ERI2: variants seen among roughly 807,000 people sequenced by gnomAD.
ERI2 encodes the protein ERI1 exoribonuclease family member 2.
Under a neutral mutation model 46.8 loss-of-function variants are expected in ERI2, and 35 were observed. That is an observed-to-expected ratio of 0.75 (90% CI 0.57 to 0.99). ERI2 has a LOEUF of 0.99. Ranked by LOEUF, ERI2 falls within the 50% of genes least tolerant of loss-of-function variation. The pLI is 0.00. For synonymous variants in ERI2, 224 were observed against 271.0 expected (o/e 0.83, Z 1.70); for missense variants, 695 against 796.2 (o/e 0.87, Z 1.53).
At chr16:20,806,167 G>A (rs1394086389) in intron 1 of ERI2, 2 of 1,391,934 alleles carry the variant, frequency 1.4e-6, no homozygotes, top group Non-Finnish European at 1.9e-6. Context: ...ACACAGTCAA[G>A]GCCCCAGGGT....
At position 20,802,995 on chromosome 16, in the gene ERI2, A is replaced by C. The variant is rs560242850; in HGVS notation, c.176-72T>G. The C allele has an allele frequency of 6.4e-6, 9 of 1,415,040 alleles. No individual in the cohort carries two copies. In the South Asian group the frequency reaches 1.1e-4, roughly 17 times the overall value. 87.7% of individuals were successfully genotyped at this position (1,415,040 alleles called of 1,614,324 possible). A position where few individuals can be genotyped will look rare whatever the true frequency, so the allele number is the denominator to read the frequency against. ...ATTAATCCTGTAATCATCCTAAATT[A>C]AACATGTTACCATTTTAATTAAACA... On this transcript the variant is annotated intron_variant, in intron 3 of 8. Transcript: ENST00000357967.
intron 10 of ERI2, chr16:20,786,276 A>G: frequency 3.5e-6 from 5 of 1,446,700 alleles, no homozygotes. Context: ...TACTTCCATG[A>G]TACTTTAATT....
In ERI2 at chr16:20,789,505, T is replaced by A; in HGVS notation, c.868A>T (p.Lys290Ter). 1 of 1,613,780 alleles carries A rather than the reference T, an allele frequency of 6.2e-7. No individual in the cohort carries two copies. Among genetic ancestry groups the A allele is most frequent in the Non-Finnish European group, 8.5e-7 (1 of 1,179,748 alleles). ...ATTGTCAACCAGAGAATATTCCCCT[T>A]TTCCTGTTTACTCATATTGGGCTTC... Residue 290 changes from lysine (K) to a stop codon, truncating the protein, a stop_gained, in exon 10 of 11, where the codon AAG becomes TAG. Transcript: ENST00000300005. LOFTEE classifies it low-confidence loss of function (END_TRUNC).
chr16:20,790,762 A>T lies in ERI2; in HGVS notation c.815+88T>A. 6.2e-7 allele frequency: 1 copy of T among 1,613,520 alleles called. No individual in the cohort carries two copies. Among genetic ancestry groups the T allele is most frequent in the Non-Finnish European group, 8.5e-7 (1 of 1,179,550 alleles). Reference sequence around the variant, plus strand: ...TTGGTAACAATCCCTGTTTGCCACAAAACATACCTAGGATAGGTACTTGAC... The same window carrying T: ...TTGGTAACAATCCCTGTTTGCCACATAACATACCTAGGATAGGTACTTGAC... On this transcript the variant is annotated intron_variant, in intron 9 of 10. Coordinates refer to the ERI2 transcript ENST00000300005. The surrounding 1 kb of genome is among the most constrained non-coding windows in gnomAD (Gnocchi z 4.0).
At chr16:20,786,130 G>C in intron 10 of ERI2, 1 of 1,607,454 alleles carries the variant, frequency 6.2e-7, no homozygotes, top group Non-Finnish European at 8.5e-7. Flanking sequence ...GGCTCAATGG[G>C]AAAACCTTCT....
intron 4 of ERI2, among the ~76,000 whole-genome samples, chr16:20,802,221 A>T (rs1054233447): frequency 6.6e-6 from 1 of 151,882 alleles, no homozygotes; most frequent in Admixed American, 6.6e-5. Context: ...GTGTACCTAT[A>T]GTCCCAGTTA....
At position 20,796,833 on chromosome 16, in the gene ERI2, T is replaced by C. The variant is rs914241751; in HGVS notation, c.*891A>G. The stretch of plus-strand genomic sequence containing the variant: ...TAATCAAACTGCTATATAATTGGCT[T>C]TATGTAAAGATAAAAATTTCCAGGC... On this transcript the variant is annotated 3_prime_UTR_variant, in exon 9 of 9. Coordinates refer to ENST00000357967, the MANE Select transcript of ERI2 (RefSeq NM_001142725.2). The C allele has an allele frequency of 5.6e-6, 9 of 1,604,830 alleles. No homozygotes were observed. In the African/African-American group the frequency reaches 1.1e-4, roughly 19 times the overall value.
At chr16:20,794,622 G>A (rs1390700653), downstream of ERI2, among the ~76,000 whole-genome samples, 1 of 152,184 alleles carries the variant, frequency 6.6e-6, no homozygotes, top group African/African-American at 2.4e-5. Flanking sequence ...CCCACTTATG[G>A]ATTCTGGGTT....
chr16:20,792,252 T>C, downstream of ERI2: 1 of 1,614,090 alleles, frequency 6.2e-7, no homozygotes. Flanking sequence ...AATTGGACCA[T>C]TTGAGGTAGA....
intron 10 of ERI2, among the ~76,000 whole-genome samples, chr16:20,788,741 G>T (rs1357086591): frequency 2.0e-5 from 3 of 152,170 alleles, no homozygotes; most frequent in African/African-American, 7.2e-5. Context: ...AGACACAGAA[G>T]ATTTTATCTA....
chr16:20,799,199 C>T, intron 8 of ERI2, 64 bp downstream of exon 8: 1 of 1,574,488 alleles, frequency 6.4e-7, no homozygotes, highest in Non-Finnish European at 8.6e-7. Flanking sequence ...ATCTACGTTT[C>T]AAAGAACGTA....
At chr16:20,792,684 G>A (rs1186704113), downstream of ERI2, 4 of 985,302 alleles carry the variant, frequency 4.1e-6, no homozygotes, top group African/African-American at 7.0e-5. Flanking sequence ...TACCCAGAAG[G>A]TCTGGAAACC....
chr16:20,796,547 T>A lies in ERI2; in HGVS notation c.*1177A>T. Reference sequence around the variant, plus strand: ...AGTGTTGTGGACAATTTCAAGTGTTTATTTTTACATTTTAATGAATATTTT... The same window carrying A: ...AGTGTTGTGGACAATTTCAAGTGTTAATTTTTACATTTTAATGAATATTTT... On this transcript the variant is annotated 3_prime_UTR_variant, in exon 9 of 9. Coordinates refer to ENST00000357967, the MANE Select transcript of ERI2 (RefSeq NM_001142725.2). The A allele has an allele frequency of 6.3e-7, 1 of 1,593,422 alleles. No homozygotes were observed. The highest frequency in any genetic ancestry group is 8.5e-7 in the Non-Finnish European group (1 of 1,175,426).
At position 20,796,929 on chromosome 16, in the gene ERI2, CAA is replaced by C; in HGVS notation, c.*793_*794del. Reference sequence around the variant, plus strand: ...CTGCCAAAGACTATCAGTGGGAAGACAAAAAGAAATGAACTGAGGAAGAAAGA... The same window carrying C: ...CTGCCAAAGACTATCAGTGGGAAGACAAAGAAATGAACTGAGGAAGAAAGA... On this transcript the variant is annotated 3_prime_UTR_variant, in exon 9 of 9. Coordinates refer to ENST00000357967, the MANE Select transcript of ERI2 (RefSeq NM_001142725.2). 3 of 1,612,060 alleles carry C rather than the reference CAA, an allele frequency of 1.9e-6. No homozygotes were observed. The highest frequency in any genetic ancestry group is 2.5e-6 in the Non-Finnish European group (3 of 1,179,168).
At chr16:20,803,980 C>T (rs934859423) in intron 1 of ERI2, among the ~76,000 whole-genome samples, 1 of 151,804 alleles carries the variant, frequency 6.6e-6, no homozygotes. Flanking sequence ...AGTCTCCTGA[C>T]TAAGACTACA....
At chr16:20,786,926 A>G (rs1029612724) in intron 10 of ERI2, among the ~76,000 whole-genome samples, 3 of 152,126 alleles carry the variant, frequency 2.0e-5, no homozygotes. Flanking sequence ...GAGCGGGTCA[A>G]CTAGGCCCGA....
intron 4 of ERI2, among the ~76,000 whole-genome samples, chr16:20,802,456 T>G (rs2080806465): frequency 2.6e-5 from 4 of 152,134 alleles, no homozygotes; most frequent in Admixed American, 2.6e-4. Flanking sequence ...CAGGATAGAC[T>G]GAGATTATAC....
chr16:20,781,230 A>C, intron 10 of ERI2: 1 of 1,400,218 alleles, frequency 7.1e-7, no homozygotes, highest in Admixed American at 2.1e-5. Context: ...AGAGTAGACA[A>C]TATGATTTAA....
chr16:20,805,147 C>T (rs930030282), intron 1 of ERI2, among the ~76,000 whole-genome samples: 2 of 152,108 alleles, frequency 1.3e-5, no homozygotes, highest in Non-Finnish European at 2.9e-5. Context: ...ATCACTAGGC[C>T]AGGCACCGTG....
Sources: allele counts gnomAD v4.1 joint callset (sites outside exome capture counted in the v4.1 genomes callset), GRCh38; gene constraint gnomAD v4.1.1; non-coding constraint Gnocchi (gnomAD v3.1); transcripts MANE v1.5; gene names NCBI Gene and HGNC (gene_info 2026-07-23, HGNC 2026-07-21).